Variants in TMEM255A observed in about 807,000 individuals in gnomAD.
TMEM255A encodes the protein transmembrane protein 255A.
TMEM255A carries 14 observed loss-of-function variants against 23.5 expected under a neutral mutation model. That is an observed-to-expected ratio of 0.60 (90% CI 0.39 to 0.93). The LOEUF (loss-of-function observed/expected upper bound fraction) is 0.93. Among genes scored for constraint, TMEM255A ranks in the 40% least tolerant of loss-of-function variants. The pLI is 0.00. For missense variants in TMEM255A, 233 were observed against 261.7 expected, an observed-to-expected ratio of 0.89 and a Z score of 0.76; for synonymous variants, 104 against 100.3, an observed-to-expected ratio of 1.04 and a Z score of -0.22.
At chrX:120,304,229 A>C in intron 2 of TMEM255A, 120 bp downstream of exon 2, 1 of 776,624 alleles carries the variant, frequency 1.3e-6, no homozygotes, top group Non-Finnish European at 1.9e-6. Context: ...ATACAGAGAT[A>C]CAAAGGAGGA....
chrX:120,287,329 A>ACACACACACACG, intron 4 of TMEM255A, 107 bp from the exon 5 acceptor site: 1 of 566,156 alleles, frequency 1.8e-6, no homozygotes. Flanking sequence ...ACACACACAC[A>ACACACACACACG]CACACACAGA....
At chrX:120,254,102 T>C (rs369029690), downstream of TMEM255A, 3 of 1,209,382 alleles carry the variant, frequency 2.5e-6, no homozygotes, top group Non-Finnish European at 3.4e-6. Flanking sequence ...TTTCAGATGT[T>C]GCACCTAGTG....
At chrX:120,266,303 CT>C (rs1159094119) in intron 8 of TMEM255A, among the ~76,000 whole-genome samples, 4 of 110,594 alleles carry the variant, frequency 3.6e-5, no homozygotes, top group Non-Finnish European at 7.6e-5. Context: ...GTTTTCTTTA[CT>C]TTTTTGTCCC....
intron 2 of TMEM255A, among the ~76,000 whole-genome samples, chrX:120,298,877 T>TAGAGAGAGAG (rs60873568): frequency 2.0e-4 from 20 of 97,870 alleles, no homozygotes; most frequent in South Asian, 5.4e-4. Flanking sequence ...ACAGAGCACC[T>TAGAGAGAGAG]AGAGAGAGAG....
At chrX:120,267,539 C>T (rs1556017790) in intron 8 of TMEM255A, among the ~76,000 whole-genome samples, 1 of 112,187 alleles carries the variant, frequency 8.9e-6, no homozygotes, top group East Asian at 2.8e-4. Flanking sequence ...CTTGTTTGCC[C>T]AAAGTGTCTA....
intron 1 of TMEM255A, among the ~76,000 whole-genome samples, chrX:120,306,261 G>GA (rs1319144225): frequency 9.0e-6 from 1 of 111,324 alleles, no homozygotes; most frequent in Non-Finnish European, 1.9e-5. Flanking sequence ...GCAAAGCCGG[G>GA]AGCTCTGGAC....
chrX:120,275,784 ATTTTTTTTTTT>A (rs11342181), intron 7 of TMEM255A, among the ~76,000 whole-genome samples: 2 of 60,249 alleles, frequency 3.3e-5, no homozygotes, highest in East Asian at 7.9e-4. Context: ...GAGCCCAAGC[ATTTTTTTTTTT>A]TTTTTTTTTT....
chrX:120,277,141 C>A, intron 6 of TMEM255A, 94 bp from the exon 7 acceptor site: 1 of 770,942 alleles, frequency 1.3e-6, no homozygotes. Context: ...TACCATACAG[C>A]TCAGTGAAAA....
At chrX:120,308,424 G>C (rs951631045) in intron 1 of TMEM255A, among the ~76,000 whole-genome samples, 4 of 112,214 alleles carry the variant, frequency 3.6e-5, no homozygotes, top group African/African-American at 1.3e-4. Context: ...ACACGGTGTT[G>C]TTGATGCCTG....
intron 2 of TMEM255A, among the ~76,000 whole-genome samples, chrX:120,294,874 A>G (rs2057944134): frequency 8.9e-6 from 1 of 111,998 alleles, no homozygotes; most frequent in African/African-American, 3.2e-5. Flanking sequence ...TTTTTTTAAA[A>G]ATCTTTTTTT....
At chrX:120,285,506 A>G in intron 5 of TMEM255A, 1 of 970,062 alleles carries the variant, frequency 1.0e-6, no homozygotes, top group Non-Finnish European at 1.5e-6. Context: ...ACGGAAGAAC[A>G]AATGGACTGA....
At chrX:120,299,118 A>C (rs1330723641) in intron 2 of TMEM255A, among the ~76,000 whole-genome samples, 1 of 111,672 alleles carries the variant, frequency 9.0e-6, no homozygotes, top group Admixed American at 9.5e-5. Flanking sequence ...GTATTATAAA[A>C]GTCTTATCCA....
chrX:120,276,563 G>A (rs1278656283), intron 7 of TMEM255A, among the ~76,000 whole-genome samples: 1 of 111,915 alleles, frequency 8.9e-6, no homozygotes, highest in Non-Finnish European at 1.9e-5. Context: ...TTTACTAAAA[G>A]TGTGGGGTGG....
chrX:120,292,629 A>G (rs1179518614), intron 3 of TMEM255A, among the ~76,000 whole-genome samples: 1 of 110,471 alleles, frequency 9.1e-6, no homozygotes, highest in African/African-American at 3.3e-5. Context: ...GCATGGTGAT[A>G]TGCACCTGTA....
chrX:120,275,762 T>A (rs965621900), intron 7 of TMEM255A, among the ~76,000 whole-genome samples: 7 of 102,844 alleles, frequency 6.8e-5, no homozygotes, highest in Middle Eastern at 9.9e-3. Flanking sequence ...TAAATCAGAA[T>A]CTTTAGAGAA....
intron 8 of TMEM255A, among the ~76,000 whole-genome samples, chrX:120,265,584 C>T (rs936205719): frequency 5.4e-5 from 6 of 111,560 alleles, no homozygotes; most frequent in African/African-American, 9.8e-5. Flanking sequence ...AGCTGTGCTC[C>T]GCTTAGATTC....
rs782362718 is a variant in TMEM255A at position 120,295,740 on chromosome X, T to TA, written c.202-1690dup. ...AGCTCTCTAAACCTCAATTTTCTTATATTGTAAAAATAGGAACCACAGTAG... is the reference window on the plus strand; with the variant it reads ...AGCTCTCTAAACCTCAATTTTCTTATAATTGTAAAAATAGGAACCACAGTAG... On this transcript the variant is annotated intron_variant, in intron 2 of 8. Transcript: ENST00000371369. 2.9e-3 allele frequency among the ~76,000 whole-genome samples: 327 copies of TA among 112,445 alleles called. 2 individuals carry two copies. The highest frequency in any genetic ancestry group is 9.9e-3 in the African/African-American group (308 of 31,003).
intron 4 of TMEM255A, among the ~76,000 whole-genome samples, chrX:120,288,001 A>G (rs1377927627): frequency 9.0e-6 from 1 of 111,070 alleles, no homozygotes; most frequent in Non-Finnish European, 1.9e-5. Context: ...GCTGCTGTTC[A>G]CTTTCCGGAC....
chrX:120,294,885 T>A (rs1556023757), intron 2 of TMEM255A, among the ~76,000 whole-genome samples: 3 of 112,120 alleles, frequency 2.7e-5, no homozygotes, highest in Non-Finnish European at 5.6e-5. Flanking sequence ...ATCTTTTTTT[T>A]TGAAAGCCTG....
Sources: gnomAD v4.1 joint callset for allele counts (sites outside exome capture counted in the v4.1 genomes callset) on GRCh38, gnomAD v4.1.1 for gene constraint, MANE v1.5 for transcripts, NCBI Gene and HGNC (gene_info 2026-07-23, HGNC 2026-07-21) for gene names.